Variants in ITPRID1 observed in about 807,000 individuals in gnomAD.
ITPRID1 encodes ITPR interacting domain containing 1.
ITPRID1 carries 96 observed loss-of-function variants against 95.4 expected under a neutral mutation model. The observed-to-expected ratio is 1.01, with a 90% CI of 0.85 to 1.19. The LOEUF (loss-of-function observed/expected upper bound fraction) is 1.19, where lower values mean the gene tolerates loss of function less well. Ranked by LOEUF, ITPRID1 falls within the 50% of genes most tolerant of loss-of-function variation. The pLI, the probability that ITPRID1 is intolerant of heterozygous loss-of-function variation, is 0.00. For missense variants in ITPRID1, 1,339 were observed against 1,252.9 expected (o/e 1.07, Z -1.04); for synonymous variants, 510 against 453.6 (o/e 1.12, Z -1.58).
chr7:31,548,616 G>A (rs1197426744), intron 1 of ITPRID1, among the ~76,000 whole-genome samples: 1 of 152,062 alleles, frequency 6.6e-6, no homozygotes, highest in African/African-American at 2.4e-5. Flanking sequence ...CAGGAAGGGT[G>A]GAAGATTGGG....
intron 10 of ITPRID1, among the ~76,000 whole-genome samples, chr7:31,608,219 A>T (rs763581692): frequency 6.6e-6 from 1 of 152,016 alleles, no homozygotes; most frequent in Non-Finnish European, 1.5e-5. Context: ...CTATTAATTT[A>T]TATGTCTGTC....
chr7:31,527,304 G>A (rs1250107536), intron 1 of ITPRID1, among the ~76,000 whole-genome samples: 1 of 152,114 alleles, frequency 6.6e-6, no homozygotes, highest in African/African-American at 2.4e-5. Flanking sequence ...TCCCATTAAT[G>A]GTAGAAACAT....
At chr7:31,540,854 G>T (rs1271758767) in intron 1 of ITPRID1, among the ~76,000 whole-genome samples, 1 of 152,078 alleles carries the variant, frequency 6.6e-6, no homozygotes, top group East Asian at 1.9e-4. Context: ...CCCTCTACAG[G>T]GACTGTGTAC....
intron 12 of ITPRID1, among the ~76,000 whole-genome samples, chr7:31,646,987 A>G (rs776070183): frequency 6.6e-6 from 1 of 152,254 alleles, no homozygotes; most frequent in Non-Finnish European, 1.5e-5. Context: ...TTAACATCCA[A>G]AGAAATAGAA....
intron 1 of ITPRID1, among the ~76,000 whole-genome samples, chr7:31,537,274 C>T (rs1408804670): frequency 2.0e-5 from 3 of 152,014 alleles, no homozygotes; most frequent in Non-Finnish European, 4.4e-5. Flanking sequence ...ACCTGAGACC[C>T]ATAGGGGTTC....
rs185110650 is a variant in ITPRID1, at chr7:31,616,786, A to G, written c.1229-25390A>G. On this transcript the variant is annotated intron_variant, in intron 10 of 14. Transcript: ENST00000615280. ...AAAAGACAAAACCAAAAAGGTTTCT[A>G]AATTTCATTTTTTGGTAGCATAAAA... Among the ~76,000 whole-genome samples, 617 of 144,508 alleles carry G rather than the reference A, an allele frequency of 4.3e-3. 4 individuals are homozygous for G. The highest frequency in any genetic ancestry group is 0.016 in the African/African-American group (585 of 37,052). 94.8% of individuals were successfully genotyped at this position (144,508 alleles called of 152,430 possible).
At chr7:31,547,508 A>G (rs1252324191) in intron 1 of ITPRID1, among the ~76,000 whole-genome samples, 1 of 143,016 alleles carries the variant, frequency 7.0e-6, no homozygotes. Context: ...CTCACTCACT[A>G]TCACAAGAAC....
chr7:31,594,851 C>T (rs1254030853), intron 10 of ITPRID1, among the ~76,000 whole-genome samples: 3 of 149,626 alleles, frequency 2.0e-5, no homozygotes, highest in East Asian at 2.0e-4. Flanking sequence ...AGCAAGACTC[C>T]GTTTCAAAAA....
chr7:31,583,840 T>G (rs545180606), intron 10 of ITPRID1, among the ~76,000 whole-genome samples: 1 of 152,298 alleles, frequency 6.6e-6, no homozygotes, highest in Non-Finnish European at 1.5e-5. Context: ...TTCTACCAAC[T>G]GCTTCATAGT....
Position 31,643,217 on chromosome 7 carries a change from C to T in ITPRID1, c.1847C>T (p.Ala616Val). The T allele has an allele frequency of 6.2e-7, 1 of 1,613,884 alleles. No individual in the cohort carries two copies. Among genetic ancestry groups the T allele is most frequent in the South Asian group, 1.1e-5 (1 of 91,074 alleles). ...QDKFLHVDSE[A>V]PREEESSGFC... is the part of the protein sequence containing the mutation. ...AAGTTCCTTCATGTTGACTCTGAGG[C>T]CCCACGAGAAGAGGAAAGCAGTGGA... Residue 616 changes from alanine to valine, a missense_variant, in exon 12 of 15, where the codon GCC becomes GTC. Physicochemically the swap from Ala to Val is moderately conservative, Grantham distance 64. Coordinates refer to ENST00000615280, the MANE Select transcript of ITPRID1 (RefSeq NM_001257967.3).
intron 1 of ITPRID1, among the ~76,000 whole-genome samples, chr7:31,546,317 C>A (rs935941245): frequency 6.6e-6 from 1 of 151,960 alleles, no homozygotes; most frequent in African/African-American, 2.4e-5. Flanking sequence ...GGTATTTACT[C>A]CAATAATTTT....
At chr7:31,647,282 G>A (rs566733120) in intron 12 of ITPRID1, among the ~76,000 whole-genome samples, 9 of 152,194 alleles carry the variant, frequency 5.9e-5, no homozygotes, top group Non-Finnish European at 1.3e-4. Context: ...TGCTAGACAG[G>A]GCTAGAAAAA....
chr7:31,523,283 A>T (rs1057153115), intron 1 of ITPRID1, among the ~76,000 whole-genome samples: 1 of 152,228 alleles, frequency 6.6e-6, no homozygotes. Context: ...CAGGATTGAG[A>T]TGTATGGATT....
intron 10 of ITPRID1, among the ~76,000 whole-genome samples, chr7:31,627,622 T>C (rs976400267): frequency 4.8e-5 from 6 of 124,660 alleles, no homozygotes; most frequent in African/African-American, 1.8e-4. Flanking sequence ...ATCATGCCAC[T>C]GCAATCCAGC....
intron 9 of ITPRID1, among the ~76,000 whole-genome samples, 162 bp from the exon 10 acceptor site, chr7:31,582,972 T>C (rs1401879674): frequency 6.6e-6 from 1 of 152,210 alleles, no homozygotes; most frequent in African/African-American, 2.4e-5. Context: ...CTTTGAATCT[T>C]CATCATCCCC....
chr7:31,519,759 A>G (rs1242975222), intron 1 of ITPRID1, among the ~76,000 whole-genome samples: 1 of 150,778 alleles, frequency 6.6e-6, no homozygotes, highest in South Asian at 2.1e-4. Context: ...ATATCTTTTA[A>G]TCCAACCACA....
At chr7:31,575,427 G>T (rs1785145625) in intron 8 of ITPRID1, among the ~76,000 whole-genome samples, 1 of 152,160 alleles carries the variant, frequency 6.6e-6, no homozygotes, top group Non-Finnish European at 1.5e-5. Context: ...TCAGCTGGTG[G>T]TCAATGTAAT....
At chr7:31,637,971 C>T (rs1301042395) in intron 10 of ITPRID1, among the ~76,000 whole-genome samples, 1 of 152,134 alleles carries the variant, frequency 6.6e-6, no homozygotes, top group African/African-American at 2.4e-5. Flanking sequence ...CCAGTTTTCC[C>T]AACACCATTT....
intron 1 of ITPRID1, among the ~76,000 whole-genome samples, chr7:31,535,544 G>T (rs907044044): frequency 6.6e-6 from 1 of 151,818 alleles, no homozygotes; most frequent in African/African-American, 2.4e-5. Context: ...TAACTTTGAA[G>T]GTTTTTTAAA....
Sources: gnomAD v4.1 joint callset for allele counts (sites outside exome capture counted in the v4.1 genomes callset) on GRCh38, gnomAD v4.1.1 for gene constraint, MANE v1.5 for transcripts, NCBI Gene and HGNC (gene_info 2026-07-23, HGNC 2026-07-21) for gene names.